Variants in SCYL2 observed in about 807,000 individuals in gnomAD.
SCYL2 encodes SCY1-like protein 2.
In SCYL2, 36 loss-of-function variants were observed where a neutral mutation model predicts 100.4. The ratio of observed to expected loss-of-function variants is 0.36; its 90% CI spans 0.27 to 0.47. The LOEUF (loss-of-function observed/expected upper bound fraction) is 0.47, where lower values mean the gene tolerates loss of function less well. Ranked by LOEUF, SCYL2 falls within the 20% of genes least tolerant of loss-of-function variation. The pLI is 1.00. For missense variants in SCYL2, 902 were observed against 1,083.9 expected (o/e 0.83, Z 2.36); for synonymous variants, 330 against 359.2 (o/e 0.92, Z 0.92).
chr12:100,299,447 G>A lies in SCYL2; in HGVS notation c.480+1272G>A, dbSNP rs550918466. 1.2e-4 allele frequency among the ~76,000 whole-genome samples: 19 copies of A among 152,128 alleles called. No homozygotes were observed. In the South Asian group the frequency reaches 2.3e-3, roughly 18 times the overall value. On this transcript the variant is annotated intron_variant, in intron 4 of 17. Coordinates refer to ENST00000360820, the MANE Select transcript of SCYL2 (RefSeq NM_017988.6). The stretch of plus-strand genomic sequence containing the variant: ...TACTTACCTGTGAAACCATCACCAC[G>A]ATCAAGATACTGCATCTATTTGTAA...
chr12:100,318,200 G>T (rs2096351340), intron 10 of SCYL2, among the ~76,000 whole-genome samples: 3 of 152,022 alleles, frequency 2.0e-5, no homozygotes, highest in Admixed American at 2.0e-4. Flanking sequence ...TATCAGAAAT[G>T]TACTATTATG....
intron 4 of SCYL2, among the ~76,000 whole-genome samples, chr12:100,308,080 C>T (rs1399646994): frequency 6.6e-6 from 1 of 152,082 alleles, no homozygotes; most frequent in African/African-American, 2.4e-5. Flanking sequence ...AACAGTATGG[C>T]GATTCCTCAA....
intron 3 of SCYL2, among the ~76,000 whole-genome samples, chr12:100,296,358 G>A (rs1447037789): frequency 6.6e-6 from 1 of 152,178 alleles, no homozygotes; most frequent in East Asian, 1.9e-4. Context: ...AGTTGGTGAT[G>A]TATATGGGGG....
At position 100,291,371 on chromosome 12, in the gene SCYL2, T is replaced by C. The variant is rs1592937528; in HGVS notation, c.178-132T>C. ...GATTTACTATCATAAGGAAACCAAC[T>C]CTTTGATATCAGAAAAGTATTACAA... On this transcript the variant is annotated intron_variant, in intron 2 of 17. Transcript: ENST00000360820. 3 of 599,878 alleles carry C rather than the reference T, an allele frequency of 5.0e-6. No individual in the cohort carries two copies. The East Asian group carries it at 9.5e-5, about 19-fold the overall frequency. 37.2% of individuals were successfully genotyped at this position (599,878 alleles called of 1,614,324 possible). A position where few individuals can be genotyped will look rare whatever the true frequency, so the allele number is the denominator to read the frequency against.
At chr12:100,295,612 T>G (rs2096318964) in intron 3 of SCYL2, among the ~76,000 whole-genome samples, 1 of 151,770 alleles carries the variant, frequency 6.6e-6, no homozygotes, top group South Asian at 2.1e-4. Flanking sequence ...GGCAGGAGAA[T>G]CAGGCAGGGA....
intron 11 of SCYL2, among the ~76,000 whole-genome samples, chr12:100,326,313 T>C (rs1352848937): frequency 6.6e-6 from 1 of 152,128 alleles, no homozygotes; most frequent in Non-Finnish European, 1.5e-5. Context: ...AGTGTTCTTA[T>C]GATAGTAACA....
chr12:100,313,478 T>G lies in SCYL2; in HGVS notation c.909T>G (p.His303Gln). 2 of 1,602,480 alleles carry G rather than the reference T, an allele frequency of 1.2e-6. No homozygotes were observed. The highest frequency in any genetic ancestry group is 1.7e-6 in the Non-Finnish European group (2 of 1,172,062). Residue 303 changes from histidine (H) to glutamine (Q), a missense_variant, in exon 7 of 18, where the codon CAT becomes CAG. Physicochemically the swap from His to Gln is conservative, Grantham distance 24 (BLOSUM62 0). Transcript: ENST00000360820. The stretch of plus-strand genomic sequence containing the variant: ...ATATACCTGAGGAAGTTCGTGAACA[T>G]GTAAAGCTACTGTTAAATGTAACTC... ...LTNIPEEVREHVKLLLNVTPT... is the reference protein window; with the variant it reads ...LTNIPEEVREQVKLLLNVTPT...
At chr12:100,298,260 CTATTT>C in intron 4 of SCYL2, 85 bp downstream of exon 4, 1 of 981,238 alleles carries the variant, frequency 1.0e-6, no homozygotes, top group Non-Finnish European at 1.4e-6. Context: ...CCATGTAAAA[CTATTT>C]TAGGTAAACT....
intron 12 of SCYL2, among the ~76,000 whole-genome samples, chr12:100,328,133 C>T (rs897591367): frequency 5.3e-5 from 8 of 152,054 alleles, no homozygotes; most frequent in African/African-American, 1.9e-4. Context: ...CAATAATTAG[C>T]CAGGTGTGGT....
intron 10 of SCYL2, 96 bp from the exon 11 acceptor site, chr12:100,323,429 A>G (rs2096358360): frequency 5.6e-6 from 4 of 718,234 alleles, no homozygotes; most frequent in East Asian, 5.3e-5. Context: ...GTTTCAAACT[A>G]TATGACAGTT....
At chr12:100,331,221 G>A (rs1191390593) in intron 13 of SCYL2, among the ~76,000 whole-genome samples, 1 of 152,142 alleles carries the variant, frequency 6.6e-6, no homozygotes, top group Non-Finnish European at 1.5e-5. Flanking sequence ...GAGTATTGGG[G>A]AGGAATAGGA....
At chr12:100,282,881 A>G (rs1000250468) in intron 1 of SCYL2, 62 bp from the exon 2 acceptor site, 3 of 727,058 alleles carry the variant, frequency 4.1e-6, no homozygotes, top group South Asian at 2.9e-5. Context: ...AAATTAAACT[A>G]TGAATAAATG....
At chr12:100,321,439 C>T (rs2096355636) in intron 10 of SCYL2, among the ~76,000 whole-genome samples, 1 of 152,130 alleles carries the variant, frequency 6.6e-6, no homozygotes, top group Non-Finnish European at 1.5e-5. Context: ...GTTCTCAAGC[C>T]ATTTCTTCTT....
Position 100,332,017 on chromosome 12 carries a change from C to T in SCYL2, c.1762-2149C>T, listed in dbSNP as rs113026632. Among the ~76,000 whole-genome samples the T allele has an allele frequency of 2.9e-3, 440 of 152,178 alleles. 2 individuals are homozygous for T. Among genetic ancestry groups the T allele is most frequent in the African/African-American group, 0.01 (426 of 41,542 alleles). ...ACTCAGGACTCAGCATATAGTTATG[C>T]CCAGGCTGTGCTCTACTATGGTGAA... is the stretch of plus-strand genomic sequence containing the variant. On this transcript the variant is annotated intron_variant, in intron 13 of 17. Transcript: ENST00000360820.
At chr12:100,309,375 A>C (rs2096339067) in intron 4 of SCYL2, among the ~76,000 whole-genome samples, 1 of 152,100 alleles carries the variant, frequency 6.6e-6, no homozygotes, top group Non-Finnish European at 1.5e-5. Flanking sequence ...GTATCTCCTT[A>C]TTCCTCCAAC....
chr12:100,313,604 T>C, intron 7 of SCYL2, 66 bp downstream of exon 7: 1 of 869,248 alleles, frequency 1.2e-6, no homozygotes, highest in Non-Finnish European at 1.9e-6. Flanking sequence ...GATTAAGTTT[T>C]TGGGTTTTAA....
At chr12:100,278,669 C>T (rs942166628) in intron 1 of SCYL2, among the ~76,000 whole-genome samples, 3 of 147,156 alleles carry the variant, frequency 2.0e-5, no homozygotes, top group Non-Finnish European at 4.5e-5. Flanking sequence ...CTTGCTCCCT[C>T]GCCAAGCTGG....
At chr12:100,337,323 T>A (rs1367118296) in intron 16 of SCYL2, 64 bp from the exon 17 acceptor site, 2 of 1,586,216 alleles carry the variant, frequency 1.3e-6, no homozygotes, top group Non-Finnish European at 1.7e-6. Context: ...GAAGAGATTA[T>A]CTTTTGTTTT....
intron 1 of SCYL2, among the ~76,000 whole-genome samples, chr12:100,275,777 T>C (rs1275116614): frequency 6.6e-6 from 1 of 152,204 alleles, no homozygotes; most frequent in East Asian, 1.9e-4. Context: ...GAAAAGTGGT[T>C]AGTATTTTAT....
Sources: gnomAD v4.1 joint callset for allele counts (sites outside exome capture counted in the v4.1 genomes callset) on GRCh38, gnomAD v4.1.1 for gene constraint, MANE v1.5 for transcripts, NCBI Gene and HGNC (gene_info 2026-07-23, HGNC 2026-07-21) for gene names.